Variants in TSHZ1 observed in about 807,000 individuals in gnomAD.
TSHZ1 encodes teashirt zinc finger homeobox 1, also known as teashirt homolog 1.
In TSHZ1, 12 loss-of-function variants were observed where a neutral mutation model predicts 67.1. The observed-to-expected ratio is 0.18, with a 90% CI of 0.11 to 0.29. The LOEUF is 0.29. Ranked by LOEUF, TSHZ1 falls within the 10% of genes least tolerant of loss-of-function variation. TSHZ1 has a pLI of 1.00. For missense variants in TSHZ1, 1,305 were observed against 1,413.9 expected (o/e 0.92, Z 1.23); for synonymous variants, 632 against 622.4 (o/e 1.02, Z -0.23).
intron 1 of TSHZ1, among the ~76,000 whole-genome samples, chr18:75,274,997 T>G (rs901208723): frequency 2.0e-5 from 3 of 152,218 alleles, no homozygotes; most frequent in African/African-American, 4.8e-5. Context: ...ATAAATAATT[T>G]CTGTCCGTAG....
chr18:75,273,018 G>A (rs973095865), intron 1 of TSHZ1, among the ~76,000 whole-genome samples: 4 of 152,172 alleles, frequency 2.6e-5, no homozygotes, highest in South Asian at 2.1e-4. Flanking sequence ...TTTTGCCACC[G>A]AGGAGGAAGA....
At chr18:75,223,838 C>A (rs2022882201) in intron 1 of TSHZ1, among the ~76,000 whole-genome samples, 2 of 151,948 alleles carry the variant, frequency 1.3e-5, no homozygotes, top group African/African-American at 4.8e-5. Flanking sequence ...CTAAACACAC[C>A]CCCTTTATGG....
intron 1 of TSHZ1, among the ~76,000 whole-genome samples, chr18:75,218,973 A>G (rs1254917836): frequency 6.6e-6 from 1 of 152,248 alleles, no homozygotes; most frequent in Admixed American, 6.5e-5. Flanking sequence ...ATTCATGACA[A>G]CAATAAAAAT....
chr18:75,242,515 C>A (rs944237754), intron 1 of TSHZ1, among the ~76,000 whole-genome samples: 1 of 152,206 alleles, frequency 6.6e-6, no homozygotes, highest in East Asian at 1.9e-4. Context: ...AATAGGTGGA[C>A]CATTTGTCAT....
At chr18:75,283,743 C>G (rs967036736) in intron 1 of TSHZ1, 2 of 152,330 alleles carry the variant, frequency 1.3e-5, no homozygotes, top group Admixed American at 6.5e-5. Context: ...TGTGTGTACA[C>G]ATGTGATTAT....
chr18:75,267,509 C>T (rs556441782), intron 1 of TSHZ1, among the ~76,000 whole-genome samples: 60 of 152,308 alleles, frequency 3.9e-4, no homozygotes, highest in African/African-American at 1.3e-3. Flanking sequence ...TCCTGAAACA[C>T]ATCACGGGCA....
At chr18:75,246,467 G>A (rs1788719781) in intron 1 of TSHZ1, among the ~76,000 whole-genome samples, 1 of 78,770 alleles carries the variant, frequency 1.3e-5, no homozygotes, top group Non-Finnish European at 2.8e-5. Context: ...AGAGAGGTAG[G>A]TCATATCCCT....
chr18:75,262,510 G>A (rs186333749), intron 1 of TSHZ1, among the ~76,000 whole-genome samples: 8 of 152,292 alleles, frequency 5.3e-5, no homozygotes, highest in Middle Eastern at 3.4e-3. Flanking sequence ...AATGTAAATC[G>A]TCAATTGGCC....
At chr18:75,249,807 GT>G (rs2023273961) in intron 1 of TSHZ1, among the ~76,000 whole-genome samples, 2 of 149,896 alleles carry the variant, frequency 1.3e-5, no homozygotes, top group Admixed American at 1.3e-4. Context: ...GTAGGTGGGG[GT>G]ATGACTTCCT....
intron 1 of TSHZ1, among the ~76,000 whole-genome samples, chr18:75,247,297 G>A (rs910087302): frequency 6.6e-6 from 1 of 152,126 alleles, no homozygotes; most frequent in African/African-American, 2.4e-5. Context: ...TGCTGGGAGA[G>A]GTACCCCAGA....
intron 1 of TSHZ1, chr18:75,284,529 T>G (rs1483892974): frequency 6.6e-6 from 1 of 152,260 alleles, no homozygotes; most frequent in Non-Finnish European, 1.5e-5. Flanking sequence ...CTTTCTCGTC[T>G]TCCCAGATGG....
chr18:75,288,654 C>A lies in TSHZ1; in HGVS notation c.*13C>A, dbSNP rs756810857. 103 of 1,567,106 alleles carry A rather than the reference C, an allele frequency of 6.6e-5. 1 individual carries two copies. In the East Asian group the frequency reaches 2.3e-3, roughly 35 times the overall value. ...GGAGAAACAGTAGCGTCCAGGTATG[C>A]AAGAGACCGCGGAACATTGCACTAA... On this transcript the variant is annotated 3_prime_UTR_variant, in exon 2 of 2. Transcript: ENST00000580243. The surrounding 1 kb of genome is among the most constrained non-coding windows in gnomAD (Gnocchi z 4.9).
At chr18:75,248,274 C>A (rs79216732) in intron 1 of TSHZ1, among the ~76,000 whole-genome samples, 2,402 of 152,276 alleles carry the variant, frequency 0.016, 69 homozygotes, top group African/African-American at 0.054. Context: ...CTGATTCTGG[C>A]GCAAGTTAAT....
At chr18:75,243,021 C>T (rs1249005303) in intron 1 of TSHZ1, among the ~76,000 whole-genome samples, 1 of 152,120 alleles carries the variant, frequency 6.6e-6, no homozygotes, top group Non-Finnish European at 1.5e-5. Context: ...GGAGAACAGC[C>T]CGGGGGATGG....
chr18:75,280,697 T>G, intron 1 of TSHZ1: 1 of 968,474 alleles, frequency 1.0e-6, no homozygotes, highest in Non-Finnish European at 1.2e-6. Context: ...TAACTTAGCT[T>G]AAAGGGTTGT....
intron 1 of TSHZ1, among the ~76,000 whole-genome samples, chr18:75,216,942 G>A (rs531516435): frequency 5.9e-5 from 9 of 152,272 alleles, no homozygotes; most frequent in African/African-American, 1.7e-4. Context: ...CAGACTCACC[G>A]AGGAGGAGGG....
Position 75,281,389 on chromosome 18 carries a change from C to A in TSHZ1, c.41-4059C>A, listed in dbSNP as rs557697698. Among the ~76,000 whole-genome samples, 1 of 152,064 alleles carries A rather than the reference C, an allele frequency of 6.6e-6. No individual in the cohort carries two copies. ...TTGAGGAGGAGGGTGCTGGAGAGGGCGGTGGGGTGTCATTTTGTTTGCACA... is the reference window on the plus strand; with the variant it reads ...TTGAGGAGGAGGGTGCTGGAGAGGGAGGTGGGGTGTCATTTTGTTTGCACA... On this transcript the variant is annotated intron_variant, in intron 1 of 1. Transcript: ENST00000580243. The surrounding 1 kb of genome is among the most constrained non-coding windows in gnomAD (Gnocchi z 5.3).
chr18:75,236,354 C>T (rs1459964951), intron 1 of TSHZ1, among the ~76,000 whole-genome samples: 4 of 152,130 alleles, frequency 2.6e-5, no homozygotes, highest in Admixed American at 6.6e-5. Context: ...GCGTCTTCCC[C>T]GTGCCTCTCA....
At chr18:75,275,696 G>A (rs1205500938) in intron 1 of TSHZ1, among the ~76,000 whole-genome samples, 2 of 152,180 alleles carry the variant, frequency 1.3e-5, no homozygotes, top group African/African-American at 2.4e-5. Flanking sequence ...CTGCTTCAGG[G>A]TAGGATTTAT....
Sources: gnomAD v4.1 joint callset for allele counts (sites outside exome capture counted in the v4.1 genomes callset) on GRCh38, gnomAD v4.1.1 for gene constraint, Gnocchi (gnomAD v3.1) non-coding constraint, MANE v1.5 for transcripts, NCBI Gene and HGNC (gene_info 2026-07-23, HGNC 2026-07-21) for gene names.